The following EPHA4 variants were observed in gnomAD, a reference collection of about 807,000 sequenced individuals.
EPHA4 encodes EPH receptor A4, also known as ephrin type-A receptor 4.
Under a neutral mutation model 108.3 loss-of-function variants are expected in EPHA4, and 19 were observed. The observed-to-expected ratio is 0.18, with a 90% CI of 0.12 to 0.26. The LOEUF (loss-of-function observed/expected upper bound fraction) is 0.26. Ranked by LOEUF, EPHA4 falls within the 10% of genes least tolerant of loss-of-function variation. The pLI, the probability that EPHA4 is intolerant of heterozygous loss-of-function variation, is 1.00. For missense variants in EPHA4, 917 were observed against 1,254.0 expected (o/e 0.73, Z 4.06); for synonymous variants, 449 against 455.5 (o/e 0.99, Z 0.18).
chr2:221,464,057 T>A (rs1346261509), intron 5 of EPHA4, among the ~76,000 whole-genome samples: 2 of 152,106 alleles, frequency 1.3e-5, no homozygotes, highest in African/African-American at 4.8e-5. Flanking sequence ...AAAACAGCCC[T>A]TTATGAAAGT....
chr2:221,527,353 A>T (rs931838334), intron 3 of EPHA4, among the ~76,000 whole-genome samples: 6 of 152,172 alleles, frequency 3.9e-5, no homozygotes, highest in African/African-American at 1.4e-4. Context: ...GAAAATATTA[A>T]GAAGAAGGGG....
chr2:221,480,435 A>G (rs1691784923), intron 5 of EPHA4, among the ~76,000 whole-genome samples: 1 of 152,222 alleles, frequency 6.6e-6, no homozygotes, highest in African/African-American at 2.4e-5. Flanking sequence ...GATGGTGCAG[A>G]AATCGTTCTG....
At chr2:221,546,317 G>A (rs1693996450) in intron 3 of EPHA4, among the ~76,000 whole-genome samples, 1 of 152,160 alleles carries the variant, frequency 6.6e-6, no homozygotes, top group Non-Finnish European at 1.5e-5. Context: ...ATACACAGAT[G>A]CAACTTTGCC....
intron 17 of EPHA4, among the ~76,000 whole-genome samples, chr2:221,424,602 G>T (rs1689844992): frequency 1.3e-5 from 2 of 152,188 alleles, no homozygotes; most frequent in Admixed American, 6.5e-5. Flanking sequence ...TAGGTTTATG[G>T]ATGAGCAGTG....
chr2:221,570,962 TGA>T (rs1167304072), intron 1 of EPHA4, among the ~76,000 whole-genome samples: 1 of 151,888 alleles, frequency 6.6e-6, no homozygotes, highest in Non-Finnish European at 1.5e-5. Context: ...AGGAGAAGAA[TGA>T]GAGACGGATG....
chr2:221,474,635 G>A (rs2106133962), intron 5 of EPHA4, among the ~76,000 whole-genome samples: 1 of 152,208 alleles, frequency 6.6e-6, no homozygotes, highest in Non-Finnish European at 1.5e-5. Flanking sequence ...TAACAACTGA[G>A]GATGCGCAAA....
chr2:221,488,498 T>C (rs1177758526), intron 4 of EPHA4, among the ~76,000 whole-genome samples: 1 of 152,220 alleles, frequency 6.6e-6, no homozygotes, highest in East Asian at 1.9e-4. Context: ...CTTGCCATTA[T>C]AGATACATTT....
intron 4 of EPHA4, among the ~76,000 whole-genome samples, chr2:221,483,427 G>A (rs191590938): frequency 6.6e-6 from 1 of 151,552 alleles, no homozygotes; most frequent in African/African-American, 2.4e-5. Context: ...CATACTGGTT[G>A]GTTAAAAAAT....
Position 221,541,764 on chromosome 2 carries a change from G to A in EPHA4, c.823+21967C>T, listed in dbSNP as rs75740501. The stretch of plus-strand genomic sequence containing the variant: ...AGGGGAGCACCACCACCCAAACAGA[G>A]TAATACTCTTTATATTTTGTACATT... On this transcript the variant is annotated intron_variant, in intron 3 of 17. Coordinates refer to ENST00000281821, the MANE Select transcript of EPHA4 (RefSeq NM_004438.5). 3.3e-3 allele frequency among the ~76,000 whole-genome samples: 508 copies of A among 152,258 alleles called. 1 individual carries two copies. Among genetic ancestry groups the A allele is most frequent in the African/African-American group, 0.012 (478 of 41,544 alleles).
chr2:221,533,698 CCTGA>C (rs1411726931), intron 3 of EPHA4, among the ~76,000 whole-genome samples: 1 of 128,988 alleles, frequency 7.8e-6, no homozygotes, highest in Non-Finnish European at 1.6e-5. Context: ...TCAAAAGCAT[CCTGA>C]CTGTTAATTT....
rs1260710054 is a variant in EPHA4 at position 221,418,416 on chromosome 2, A to G, written c.*2956T>C. On this transcript the variant is annotated 3_prime_UTR_variant, in exon 18 of 18. Transcript: ENST00000281821. ...TGTATCAATGCTTGATGTTGTTTGGAGAATGTTAAATAAGTGAAAATATTG... is the reference window on the plus strand; with the variant it reads ...TGTATCAATGCTTGATGTTGTTTGGGGAATGTTAAATAAGTGAAAATATTG... The G allele has an allele frequency of 6.6e-6, 1 of 152,654 alleles. No homozygotes were observed. Among genetic ancestry groups the G allele is most frequent in the Non-Finnish European group, 1.5e-5 (1 of 68,048 alleles). The allele number at this position is 152,654 out of a possible 1,614,324, so 9.5% of individuals were successfully genotyped here.
chr2:221,527,262 G>A (rs891935037), intron 3 of EPHA4, among the ~76,000 whole-genome samples: 24 of 152,154 alleles, frequency 1.6e-4, no homozygotes, highest in African/African-American at 5.3e-4. Flanking sequence ...AACCCTGTTC[G>A]GCTCTTGAGG....
chr2:221,454,679 A>G (rs1690887744), intron 8 of EPHA4, among the ~76,000 whole-genome samples: 2 of 152,208 alleles, frequency 1.3e-5, no homozygotes, highest in Admixed American at 6.5e-5. Flanking sequence ...TGGGGCACAT[A>G]TCAATGACTA....
intron 3 of EPHA4, among the ~76,000 whole-genome samples, chr2:221,540,259 A>G (rs1693795001): frequency 6.6e-6 from 1 of 152,200 alleles, no homozygotes; most frequent in Non-Finnish European, 1.5e-5. Context: ...CTCTATTCAA[A>G]GAACAATATC....
rs1689722817 is a variant in EPHA4, at chr2:221,420,385, C to T, written c.*987G>A. The T allele has an allele frequency of 6.6e-6, 1 of 152,634 alleles. No individual in the cohort carries two copies. The highest frequency in any genetic ancestry group is 1.5e-5 in the Non-Finnish European group (1 of 68,022). 9.5% of individuals were successfully genotyped at this position (152,634 alleles called of 1,614,324 possible). On this transcript the variant is annotated 3_prime_UTR_variant, in exon 18 of 18. Coordinates refer to ENST00000281821, the MANE Select transcript of EPHA4 (RefSeq NM_004438.5). ...GGGATTTGAAAGTCACACATTTATT[C>T]TTTTCAGGTATGGGTGTTGTTTCAT...
At chr2:221,495,330 C>G (rs964818912) in intron 4 of EPHA4, among the ~76,000 whole-genome samples, 2 of 152,204 alleles carry the variant, frequency 1.3e-5, no homozygotes, top group Non-Finnish European at 2.9e-5. Flanking sequence ...AAAACAGAAT[C>G]TCCTGTCTCC....
At position 221,554,572 on chromosome 2, in the gene EPHA4, G is replaced by T. The variant is rs1694253377; in HGVS notation, c.823+9159C>A. On this transcript the variant is annotated intron_variant, in intron 3 of 17. Transcript: ENST00000281821. ...AAAATAAGTAAATTTGGAGACACTG[G>T]GGGGAGTGGGGAGGAGGGAGACAGA... Among the ~76,000 whole-genome samples, 3 of 152,198 alleles carry T rather than the reference G, an allele frequency of 2.0e-5. No individual in the cohort carries two copies. In the South Asian group the frequency reaches 6.2e-4, roughly 32 times the overall value.
At chr2:221,559,404 A>G (rs561842912) in intron 3 of EPHA4, among the ~76,000 whole-genome samples, 6 of 152,180 alleles carry the variant, frequency 3.9e-5, no homozygotes, top group Non-Finnish European at 7.3e-5. Context: ...ATTAAGCAAA[A>G]AATACACTAA....
intron 2 of EPHA4, among the ~76,000 whole-genome samples, chr2:221,565,908 TATC>T (rs1694615195): frequency 6.6e-6 from 1 of 152,224 alleles, no homozygotes; most frequent in East Asian, 1.9e-4. Flanking sequence ...GCACATAGGG[TATC>T]TCTACAGAGT....
Sources: allele counts gnomAD v4.1 joint callset (sites outside exome capture counted in the v4.1 genomes callset), GRCh38; gene constraint gnomAD v4.1.1; transcripts MANE v1.5; gene names NCBI Gene and HGNC (gene_info 2026-07-23, HGNC 2026-07-21).